The following RORB variants were observed in gnomAD, a reference collection of about 807,000 sequenced individuals.
The protein encoded by RORB is RAR related orphan receptor B.
Under a neutral mutation model 59.1 loss-of-function variants are expected in RORB, and 6 were observed. That is an observed-to-expected ratio of 0.10 (90% CI 0.06 to 0.20). The LOEUF is 0.20. Among genes scored for constraint, RORB ranks in the 10% least tolerant of loss-of-function variants. The pLI is 1.00. For synonymous variants in RORB, 215 were observed against 204.5 expected (o/e 1.05, Z -0.44); for missense variants, 320 against 560.5 (o/e 0.57, Z 4.33).
At chr9:74,643,913 G>C (rs1823853254) in intron 4 of RORB, among the ~76,000 whole-genome samples, 1 of 152,210 alleles carries the variant, frequency 6.6e-6, no homozygotes, top group South Asian at 2.1e-4. Flanking sequence ...ATCTTTACAA[G>C]GGGGAAAGCA....
intron 1 of RORB, among the ~76,000 whole-genome samples, chr9:74,527,673 C>A (rs1229787025): frequency 2.0e-5 from 3 of 152,022 alleles, no homozygotes; most frequent in African/African-American, 7.2e-5. Context: ...GTCCGCAATT[C>A]ATGTTTTGTC....
intron 1 of RORB, among the ~76,000 whole-genome samples, chr9:74,617,108 T>A (rs1823326449): frequency 7.1e-6 from 1 of 141,684 alleles, no homozygotes; most frequent in South Asian, 2.6e-4. Flanking sequence ...AAAAAAACTC[T>A]GCCTCTTTAG....
chr9:74,659,508 C>CTTT (rs1563966772), intron 4 of RORB, among the ~76,000 whole-genome samples: 2 of 150,074 alleles, frequency 1.3e-5, no homozygotes, highest in Admixed American at 6.7e-5. Flanking sequence ...TGTTTTGCTT[C>CTTT]GTTTTGTTTT....
intron 1 of RORB, among the ~76,000 whole-genome samples, chr9:74,560,682 TATA>T (rs777031754): frequency 3.3e-5 from 5 of 151,238 alleles, no homozygotes; most frequent in Non-Finnish European, 5.9e-5. Flanking sequence ...TAATAATTTA[TATA>T]ATAAAATAAT....
chr9:74,583,542 A>T lies in RORB; in HGVS notation c.8-46740A>T, dbSNP rs142281929. ...CAAATTAGGTAACCCAAATTAGGTTACTAATTCTACAGGTATTTGTTTGCC... is the reference window on the plus strand; with the variant it reads ...CAAATTAGGTAACCCAAATTAGGTTTCTAATTCTACAGGTATTTGTTTGCC... On this transcript the variant is annotated intron_variant, in intron 1 of 9. Coordinates refer to ENST00000376896, the MANE Select transcript of RORB (RefSeq NM_006914.4). Among the ~76,000 whole-genome samples the T allele has an allele frequency of 3.2e-3, 485 of 152,184 alleles. 1 individual carries two copies. The highest frequency in any genetic ancestry group is 0.011 in the African/African-American group (464 of 41,518).
Position 74,512,911 on chromosome 9 carries a change from T to TA in RORB, c.7+14934dup, listed in dbSNP as rs1214088863. On this transcript the variant is annotated intron_variant, in intron 1 of 9. Coordinates refer to ENST00000376896, the MANE Select transcript of RORB (RefSeq NM_006914.4). Reference sequence around the variant, plus strand: ...CCAACACGGAAAACTTCCATTGCAGTAAAAAACAGACAATTTGAAATATTG... The same window carrying TA: ...CCAACACGGAAAACTTCCATTGCAGTAAAAAAACAGACAATTTGAAATATTG... Among the ~76,000 whole-genome samples the TA allele has an allele frequency of 2.6e-5, 4 of 152,256 alleles. No homozygotes were observed. In the East Asian group the frequency reaches 7.7e-4, roughly 29 times the overall value.
At chr9:74,550,067 A>C (rs1468318986) in intron 1 of RORB, among the ~76,000 whole-genome samples, 1 of 152,086 alleles carries the variant, frequency 6.6e-6, no homozygotes, top group Non-Finnish European at 1.5e-5. Flanking sequence ...TGGCCACACT[A>C]AGCAATTGCA....
chr9:74,585,013 G>A (rs913482064), intron 1 of RORB, among the ~76,000 whole-genome samples: 14 of 152,258 alleles, frequency 9.2e-5, no homozygotes, highest in East Asian at 1.9e-4. Context: ...CCCATCCCCC[G>A]TCCAATCTCA....
chr9:74,549,965 G>C (rs1826581692), intron 1 of RORB, among the ~76,000 whole-genome samples: 1 of 152,000 alleles, frequency 6.6e-6, no homozygotes, highest in Non-Finnish European at 1.5e-5. Flanking sequence ...CCTGACCTCA[G>C]GTGATCTGCC....
chr9:74,609,631 T>C (rs1823204321), intron 1 of RORB, among the ~76,000 whole-genome samples: 1 of 152,232 alleles, frequency 6.6e-6, no homozygotes, highest in African/African-American at 2.4e-5. Flanking sequence ...TTCATATGCA[T>C]TTTCTCTTTT....
At chr9:74,610,118 C>G (rs1363525797) in intron 1 of RORB, among the ~76,000 whole-genome samples, 1 of 152,214 alleles carries the variant, frequency 6.6e-6, no homozygotes, top group Non-Finnish European at 1.5e-5. Flanking sequence ...TGCTTTTAAT[C>G]TCACGACACT....
chr9:74,523,420 A>G (rs1587340388), intron 1 of RORB, among the ~76,000 whole-genome samples: 1 of 152,042 alleles, frequency 6.6e-6, no homozygotes, highest in East Asian at 1.9e-4. Flanking sequence ...GCAAAACTTT[A>G]TCACAACTGC....
intron 1 of RORB, among the ~76,000 whole-genome samples, chr9:74,599,107 T>C (rs184800431): frequency 1.4e-4 from 21 of 152,314 alleles, no homozygotes; most frequent in African/African-American, 4.1e-4. Flanking sequence ...ACAGTGGAGA[T>C]AAAATTTCAG....
intron 1 of RORB, among the ~76,000 whole-genome samples, chr9:74,519,514 G>GAAC (rs1563926944): frequency 1.3e-5 from 2 of 152,028 alleles, no homozygotes; most frequent in Admixed American, 6.6e-5. Flanking sequence ...AAGAGCAAGA[G>GAAC]AACAGAACAA....
intron 1 of RORB, among the ~76,000 whole-genome samples, chr9:74,572,196 C>A (rs778941852): frequency 6.6e-6 from 1 of 152,018 alleles, no homozygotes; most frequent in Non-Finnish European, 1.5e-5. Flanking sequence ...CTAAATTCAA[C>A]GGGATAGGGA....
intron 1 of RORB, among the ~76,000 whole-genome samples, chr9:74,607,736 A>G (rs1823170546): frequency 1.3e-5 from 2 of 152,184 alleles, no homozygotes. Context: ...AGGACAAATT[A>G]CTGACTAGAG....
chr9:74,664,352 G>A lies in RORB; in HGVS notation c.893-1136G>A, dbSNP rs558167058. Among the ~76,000 whole-genome samples, 5 of 152,232 alleles carry A rather than the reference G, an allele frequency of 3.3e-5. No homozygotes were observed. The South Asian group carries it at 1.0e-3, about 32-fold the overall frequency. ...AACCAATCCATGGGCTGACATTTGG[G>A]AACAACTGAACCATATAATCTTTAA... On this transcript the variant is annotated intron_variant, in intron 6 of 9. Coordinates refer to ENST00000376896, the MANE Select transcript of RORB (RefSeq NM_006914.4).
intron 1 of RORB, among the ~76,000 whole-genome samples, chr9:74,540,437 G>C (rs1330031229): frequency 1.3e-5 from 2 of 152,046 alleles, no homozygotes; most frequent in Admixed American, 1.3e-4. Flanking sequence ...AGTATTAATT[G>C]GTTTAATATT....
chr9:74,631,531 A>G (rs1823618425), intron 2 of RORB, among the ~76,000 whole-genome samples: 2 of 152,220 alleles, frequency 1.3e-5, no homozygotes, highest in South Asian at 4.1e-4. Context: ...TAACTGTCAA[A>G]TACTGGTACT....
Sources: allele counts gnomAD v4.1 joint callset (sites outside exome capture counted in the v4.1 genomes callset), GRCh38; gene constraint gnomAD v4.1.1; transcripts MANE v1.5; gene names NCBI Gene and HGNC (gene_info 2026-07-23, HGNC 2026-07-21).